The following POLR3A variants were observed in gnomAD, a reference collection of about 807,000 sequenced individuals.
POLR3A encodes RNA polymerase III subunit A.
A neutral mutation model predicts 152.8 loss-of-function variants in POLR3A; 112 were observed. That is an observed-to-expected ratio of 0.73 (90% CI 0.63 to 0.86). POLR3A has a LOEUF of 0.86. POLR3A is among the 40% of genes least tolerant of loss of function. The pLI is 0.00. For missense variants in POLR3A, 1,385 were observed against 1,743.1 expected, an observed-to-expected ratio of 0.79 and a Z score of 3.66; for synonymous variants, 615 against 652.1, an observed-to-expected ratio of 0.94 and a Z score of 0.87.
chr10:78,024,711 G>T lies in POLR3A; in HGVS notation c.491-8C>A. On this transcript the variant is annotated splice_polypyrimidine_tract_variant and splice_region_variant and intron_variant, in intron 4 of 30. Transcript: ENST00000372371. ...CACACTTCTTTACGGTACCTATAAG[G>T]GTTAGTTTATTTACCAAGAAATAAA... 1 of 1,609,738 alleles carries T rather than the reference G, an allele frequency of 6.2e-7. No homozygotes were observed. The highest frequency in any genetic ancestry group is 8.5e-7 in the Non-Finnish European group (1 of 1,176,306).
chr10:77,985,817 T>C lies in POLR3A; in HGVS notation c.3071+86A>G, dbSNP rs1402072048. ...TACTGGCAGTTAACAAGTGAGCTGG[T>C]GCAGGGTTTTGTACACATGGGGAAA... is the stretch of plus-strand genomic sequence containing the variant. On this transcript the variant is annotated intron_variant, in intron 23 of 30. Transcript: ENST00000372371. The C allele has an allele frequency of 4.1e-6, 4 of 982,282 alleles. No individual in the cohort carries two copies. The East Asian group carries it at 9.5e-5, about 23-fold the overall frequency. 60.8% of individuals were successfully genotyped at this position (982,282 alleles called of 1,614,324 possible).
chr10:78,022,529 G>A, intron 5 of POLR3A, 145 bp from the exon 6 acceptor site: 1 of 836,742 alleles, frequency 1.2e-6, no homozygotes, highest in Non-Finnish European at 1.9e-6. Flanking sequence ...ACGCTATGCT[G>A]CAAGAGCCTT....
intron 19 of POLR3A, among the ~76,000 whole-genome samples, chr10:77,997,117 C>T (rs940038174): frequency 6.6e-6 from 1 of 152,152 alleles, no homozygotes; most frequent in African/African-American, 2.4e-5. Flanking sequence ...AACAACCCTT[C>T]ATGCTAAAAA....
In POLR3A at chr10:77,975,411, C is replaced by T. The variant is rs779191872; in HGVS notation, c.*2067G>A. 1.3e-5 allele frequency: 2 copies of T among 152,236 alleles called. 1 individual carries two copies. Among genetic ancestry groups the T allele is most frequent in the Non-Finnish European group, 2.9e-5 (2 of 68,078 alleles). The allele number at this position is 152,236 out of a possible 1,614,324, so 9.4% of individuals were successfully genotyped here. ...GATAGTCCTAGCAAGGCTGGCAGTT[C>T]CAGGAGGAGGACCAGCACCTCCAGG... On this transcript the variant is annotated 3_prime_UTR_variant, in exon 31 of 31. Coordinates refer to ENST00000372371, the MANE Select transcript of POLR3A (RefSeq NM_007055.4).
At chr10:78,014,918 T>C (rs1441413011) in intron 10 of POLR3A, among the ~76,000 whole-genome samples, 2 of 152,192 alleles carry the variant, frequency 1.3e-5, no homozygotes, top group African/African-American at 4.8e-5. Context: ...AAAGGAACGA[T>C]AGATTCAAAA....
In POLR3A at chr10:78,004,746, C is replaced by T. The variant is rs772685762; in HGVS notation, c.2217G>A (p.Gln739=). Reference sequence around the variant, plus strand: ...GGGTCTCCTCAGCAGTGCAGCCAGGCTGCTGCTGCAGCTTGCCCGTGTTCA... The same window carrying T: ...GGGTCTCCTCAGCAGTGCAGCCAGGTTGCTGCTGCAGCTTGCCCGTGTTCA... ...EALNTGKLQQ[Q]PGCTAEETLE... The change falls in exon 16 of 31, where the codon CAG becomes CAA. Residue 739 remains glutamine, a synonymous_variant. Coordinates refer to ENST00000372371, the MANE Select transcript of POLR3A (RefSeq NM_007055.4). 3.0e-5 allele frequency: 48 copies of T among 1,613,694 alleles called. No individual in the cohort carries two copies. Among genetic ancestry groups the T allele is most frequent in the Non-Finnish European group, 3.7e-5 (44 of 1,179,768 alleles).
rs1847168794 is a variant in POLR3A at position 77,983,492 on chromosome 10, G to A, written c.3429+428C>T. On this transcript the variant is annotated intron_variant, in intron 26 of 30. Transcript: ENST00000372371. Reference sequence around the variant, plus strand: ...CTTTCAACTGTTGCCTATTACCCATGCATGCCAGTTTAAGAAGCCAGGTTA... The same window carrying A: ...CTTTCAACTGTTGCCTATTACCCATACATGCCAGTTTAAGAAGCCAGGTTA... Among the ~76,000 whole-genome samples the A allele has an allele frequency of 2.6e-5, 4 of 152,150 alleles. No homozygotes were observed. In the South Asian group the frequency reaches 6.2e-4, roughly 24 times the overall value.
chr10:77,980,750 C>T (rs530351112), intron 29 of POLR3A, among the ~76,000 whole-genome samples: 41 of 152,236 alleles, frequency 2.7e-4, no homozygotes, highest in Admixed American at 2.2e-3. Flanking sequence ...AAACTGCATG[C>T]ACACAGTTTC....
chr10:77,998,190 C>G (rs1442100940), intron 19 of POLR3A, among the ~76,000 whole-genome samples: 2 of 152,038 alleles, frequency 1.3e-5, no homozygotes, highest in Non-Finnish European at 2.9e-5. Flanking sequence ...GACCTAAAAC[C>G]ATAAAAACCA....
intron 19 of POLR3A, among the ~76,000 whole-genome samples, chr10:77,996,561 GAAGA>G (rs1052614104): frequency 1.3e-5 from 2 of 152,104 alleles, no homozygotes; most frequent in African/African-American, 4.8e-5. Flanking sequence ...AGAAAATCTA[GAAGA>G]AATGGATAAA....
At chr10:77,978,954 G>A (rs781737321) in intron 30 of POLR3A, among the ~76,000 whole-genome samples, 2 of 151,920 alleles carry the variant, frequency 1.3e-5, no homozygotes, top group Non-Finnish European at 2.9e-5. Context: ...GAGCCACCGC[G>A]CCCGGCCCAC....
At position 78,019,281 on chromosome 10, in the gene POLR3A, A is replaced by AC. The variant is rs1847554961; in HGVS notation, c.1186-17dup. 6.5e-7 allele frequency: 1 copy of AC among 1,549,120 alleles called. No individual in the cohort carries two copies. The highest frequency in any genetic ancestry group is 8.9e-7 in the Non-Finnish European group (1 of 1,121,476). ...CTTTGTTTACCTGCAGTACAAAAAA[A>AC]CCACAATAAGTTACTCCCAGGTAAC... is the stretch of plus-strand genomic sequence containing the variant. On this transcript the variant is annotated splice_polypyrimidine_tract_variant and intron_variant, in intron 8 of 30. Coordinates refer to ENST00000372371, the MANE Select transcript of POLR3A (RefSeq NM_007055.4).
chr10:77,992,352 C>A (rs764476405), intron 20 of POLR3A, among the ~76,000 whole-genome samples: 7 of 151,138 alleles, frequency 4.6e-5, no homozygotes, highest in Admixed American at 1.3e-4. Flanking sequence ...TCACTGTGGC[C>A]TCAAATTCCT....
At chr10:77,993,173 C>A (rs1218137323) in intron 20 of POLR3A, 24 bp downstream of exon 20, 2 of 1,585,136 alleles carry the variant, frequency 1.3e-6, no homozygotes, top group Admixed American at 1.7e-5. Flanking sequence ...ACACTCTAAC[C>A]CCAGATATAA....
intron 29 of POLR3A, 83 bp downstream of exon 29, chr10:77,981,345 T>G: frequency 7.6e-7 from 1 of 1,322,644 alleles, no homozygotes; most frequent in Non-Finnish European, 1.1e-6. Flanking sequence ...GTATTCTACA[T>G]GTCTTAGAAA....
At chr10:78,028,884 C>G (rs1274068700) in intron 1 of POLR3A, among the ~76,000 whole-genome samples, 1 of 152,064 alleles carries the variant, frequency 6.6e-6, no homozygotes, top group Non-Finnish European at 1.5e-5. Context: ...CGGATAGCAG[C>G]TTTATTTCTG....
Position 77,975,835 on chromosome 10 carries a change from G to C in POLR3A, c.*1643C>G, listed in dbSNP as rs544414095. 6.6e-6 allele frequency: 1 copy of C among 152,110 alleles called. No homozygotes were observed. Among genetic ancestry groups the C allele is most frequent in the African/African-American group, 2.4e-5 (1 of 41,366 alleles). 9.4% of individuals were successfully genotyped at this position (152,110 alleles called of 1,614,324 possible). On this transcript the variant is annotated 3_prime_UTR_variant, in exon 31 of 31. Transcript: ENST00000372371. ...GGCATGCTTCCAGGAAGGCAGTTGG[G>C]GTGGGGGGTACCCCTTTATGGCTCT...
Position 78,028,475 on chromosome 10 carries a change from C to G in POLR3A, c.44+889G>C, listed in dbSNP as rs564622076. On this transcript the variant is annotated intron_variant, in intron 1 of 30. Transcript: ENST00000372371. ...TTAACGTCCAACACTGGGAATAACG[C>G]GCAGTATCCTCCTCAGTGTCTGCTG... Among the ~76,000 whole-genome samples the G allele has an allele frequency of 5.7e-4, 87 of 152,176 alleles. No homozygotes were observed. In the South Asian group the frequency reaches 0.014, roughly 24 times the overall value.
At chr10:77,979,386 C>A (rs979037572) in intron 30 of POLR3A, among the ~76,000 whole-genome samples, 1 of 152,192 alleles carries the variant, frequency 6.6e-6, no homozygotes, top group African/African-American at 2.4e-5. Flanking sequence ...CAGCCCCTTA[C>A]CAGCTCTCAC....
Sources: allele counts gnomAD v4.1 joint callset (sites outside exome capture counted in the v4.1 genomes callset), GRCh38; gene constraint gnomAD v4.1.1; transcripts MANE v1.5; gene names NCBI Gene and HGNC (gene_info 2026-07-23, HGNC 2026-07-21).